Variants in SVIL observed in about 807,000 individuals in gnomAD.
The protein encoded by SVIL is archvillin.
In SVIL, 101 loss-of-function variants were observed where a neutral mutation model predicts 240.4. That is an observed-to-expected ratio of 0.42 (90% CI 0.36 to 0.50). The LOEUF (loss-of-function observed/expected upper bound fraction) is 0.50, where lower values mean the gene tolerates loss of function less well. Among genes scored for constraint, SVIL ranks in the 20% least tolerant of loss-of-function variants. The probability of loss-of-function intolerance (pLI) is 0.01; values close to 1 mark genes in which losing one functional copy is unlikely to be tolerated. For synonymous variants in SVIL, 999 were observed against 1,100.0 expected (o/e 0.91, Z 1.82); for missense variants, 2,512 against 2,818.7 (o/e 0.89, Z 2.46).
At chr10:29,619,297 G>C (rs1029393772) in intron 1 of SVIL, among the ~76,000 whole-genome samples, 1 of 152,182 alleles carries the variant, frequency 6.6e-6, no homozygotes, top group Non-Finnish European at 1.5e-5. Context: ...CTGCGGATGC[G>C]TATGTGAGGA....
At chr10:29,656,959 A>G (rs986998886) in intron 3 of SVIL, among the ~76,000 whole-genome samples, 7 of 152,224 alleles carry the variant, frequency 4.6e-5, no homozygotes, top group Non-Finnish European at 1.0e-4. Context: ...GCACATATTC[A>G]TAATTTTAGT....
Position 29,532,558 on chromosome 10 carries a change from T to C in SVIL, c.1809A>G (p.Ala603=). 1 of 1,611,578 alleles carries C rather than the reference T, an allele frequency of 6.2e-7. No homozygotes were observed. The highest frequency in any genetic ancestry group is 8.5e-7 in the Non-Finnish European group (1 of 1,177,896). The change falls in exon 8 of 38, where the codon GCA becomes GCG. Residue 603 remains alanine, a synonymous_variant. Coordinates refer to ENST00000355867, the MANE Select transcript of SVIL (RefSeq NM_021738.3). ...SVAQLRSAFL[A]SANACRRPEL... The stretch of plus-strand genomic sequence containing the variant: ...CAGGTCTCCTGCAGGCGTTGGCAGA[T>C]GCCAGGAACGCACTTCGGAGCTGGG...
intron 3 of SVIL, among the ~76,000 whole-genome samples, chr10:29,644,144 C>G (rs1439334457): frequency 6.6e-6 from 1 of 152,068 alleles, no homozygotes; most frequent in African/African-American, 2.4e-5. Flanking sequence ...GGCTGCTGCT[C>G]AAATGGGGAC....
intron 18 of SVIL, among the ~76,000 whole-genome samples, chr10:29,498,704 G>A (rs1343340055): frequency 6.6e-6 from 1 of 152,100 alleles, no homozygotes; most frequent in African/African-American, 2.4e-5. Context: ...AAGAAGGCTG[G>A]GCATGGTGTC....
chr10:29,726,402 G>T (rs1964291595), intron 1 of SVIL, among the ~76,000 whole-genome samples: 1 of 152,134 alleles, frequency 6.6e-6, no homozygotes, highest in Non-Finnish European at 1.5e-5. Flanking sequence ...ACTACTTATT[G>T]TCATACCTCA....
chr10:29,679,406 C>T (rs546799757), intron 2 of SVIL, among the ~76,000 whole-genome samples: 5 of 152,242 alleles, frequency 3.3e-5, no homozygotes, highest in South Asian at 4.1e-4. Context: ...AACTCCTTTC[C>T]ACATGCAAGT....
At position 29,490,248 on chromosome 10, in the gene SVIL, T is replaced by C. The variant is rs145438930; in HGVS notation, c.4192+599A>G. On this transcript the variant is annotated intron_variant, in intron 22 of 37. Coordinates refer to ENST00000355867, the MANE Select transcript of SVIL (RefSeq NM_021738.3). ...CTGGCGTTTGTGTTAATTAATAATA[T>C]AAAAATCTAGGATTAGATACTCCAG... Among the ~76,000 whole-genome samples the C allele has an allele frequency of 4.8e-3, 729 of 152,236 alleles. 6 individuals carry two copies. Among genetic ancestry groups the C allele is most frequent in the African/African-American group, 0.017 (700 of 41,528 alleles).
chr10:29,688,278 T>G (rs1375973047), intron 1 of SVIL, among the ~76,000 whole-genome samples: 1 of 152,190 alleles, frequency 6.6e-6, no homozygotes, highest in Non-Finnish European at 1.5e-5. Flanking sequence ...AGGGGATGAT[T>G]GATGGCTTAG....
At chr10:29,560,817 A>T (rs1954387969) in intron 3 of SVIL, among the ~76,000 whole-genome samples, 1 of 150,572 alleles carries the variant, frequency 6.6e-6, no homozygotes, top group Non-Finnish European at 1.5e-5. Flanking sequence ...ATTTAGGTGA[A>T]ATTCAGGGGA....
chr10:29,496,572 C>A, intron 18 of SVIL: 1 of 351,958 alleles, frequency 2.8e-6, no homozygotes, highest in South Asian at 2.2e-5. Context: ...CCCCTGCTGG[C>A]GGTTCAGGCA....
chr10:29,557,262 G>A (rs548744790), intron 3 of SVIL, among the ~76,000 whole-genome samples: 3 of 147,614 alleles, frequency 2.0e-5, no homozygotes, highest in African/African-American at 7.6e-5. Context: ...CGCCTGGCTA[G>A]CTTTTGGTTG....
intron 14 of SVIL, 32 bp from the exon 15 acceptor site, chr10:29,524,059 GC>G: frequency 1.3e-6 from 2 of 1,553,672 alleles, no homozygotes; most frequent in Non-Finnish European, 1.7e-6. Context: ...TTAAAAAGCT[GC>G]TTGAAAAATA....
chr10:29,468,887 TATTGAC>T (rs1437937835), intron 32 of SVIL: 3 of 152,100 alleles, frequency 2.0e-5, no homozygotes, highest in African/African-American at 7.2e-5. Context: ...GAACAATACA[TATTGAC>T]TATTTCTTGT....
intron 29 of SVIL, 144 bp from the exon 30 acceptor site, chr10:29,474,133 G>A: frequency 1.7e-6 from 2 of 1,155,968 alleles, no homozygotes; most frequent in African/African-American, 3.1e-5. Flanking sequence ...GTTGGCACCT[G>A]GAGGGAAGGC....
At chr10:29,490,373 T>C (rs1387361872) in intron 22 of SVIL, among the ~76,000 whole-genome samples, 3 of 152,160 alleles carry the variant, frequency 2.0e-5, no homozygotes. Flanking sequence ...GTGTTCAGGA[T>C]CTACAGAGCT....
chr10:29,469,371 T>G (rs561396204), intron 32 of SVIL, among the ~76,000 whole-genome samples: 1 of 152,320 alleles, frequency 6.6e-6, no homozygotes, highest in East Asian at 1.9e-4. Flanking sequence ...ACAGGGGCCC[T>G]GGCCACTGCT....
intron 1 of SVIL, among the ~76,000 whole-genome samples, chr10:29,588,992 A>T (rs1199342163): frequency 1.3e-5 from 2 of 151,928 alleles, no homozygotes; most frequent in Non-Finnish European, 2.9e-5. Context: ...CAGGACATTC[A>T]TCCCACTGGG....
chr10:29,647,692 C>T (rs549601510), intron 3 of SVIL, among the ~76,000 whole-genome samples: 4 of 151,726 alleles, frequency 2.6e-5, no homozygotes, highest in Admixed American at 6.6e-5. Context: ...CAGAGAAGTA[C>T]AAAGGTGTAT....
intron 1 of SVIL, among the ~76,000 whole-genome samples, chr10:29,589,087 G>A (rs928350752): frequency 4.6e-5 from 7 of 152,208 alleles, no homozygotes; most frequent in Admixed American, 1.3e-4. Flanking sequence ...GTGACTTTTC[G>A]GTTCACAGGA....
Sources: gnomAD v4.1 joint callset for allele counts (sites outside exome capture counted in the v4.1 genomes callset) on GRCh38, gnomAD v4.1.1 for gene constraint, MANE v1.5 for transcripts, NCBI Gene and HGNC (gene_info 2026-07-23, HGNC 2026-07-21) for gene names.